The following CDYL2 variants were observed in gnomAD, a reference collection of about 807,000 sequenced individuals.
The protein encoded by CDYL2 is chromodomain Y like 2, also known as chromodomain Y-like protein 2.
In CDYL2, 23 loss-of-function variants were observed where a neutral mutation model predicts 49.4. That is an observed-to-expected ratio of 0.47 (90% CI 0.34 to 0.66). The LOEUF (loss-of-function observed/expected upper bound fraction) is 0.66. CDYL2 is among the 30% of genes least tolerant of loss of function. The pLI is 0.01. For synonymous variants in CDYL2, 360 were observed against 268.8 expected, an observed-to-expected ratio of 1.34 and a Z score of -3.32; for missense variants, 678 against 656.4, an observed-to-expected ratio of 1.03 and a Z score of -0.36.
chr16:80,677,889 C>T (rs1909819535), intron 2 of CDYL2, among the ~76,000 whole-genome samples: 1 of 151,868 alleles, frequency 6.6e-6, no homozygotes, highest in African/African-American at 2.4e-5. Context: ...ACCAAAACAG[C>T]ATGGTACTGG....
chr16:80,775,178 A>G (rs1422268526), intron 1 of CDYL2, among the ~76,000 whole-genome samples: 1 of 151,862 alleles, frequency 6.6e-6, no homozygotes, highest in Non-Finnish European at 1.5e-5. Context: ...ATCTTGAAAC[A>G]GAAGTCCAAG....
chr16:80,622,446 T>C (rs551929853), intron 3 of CDYL2, among the ~76,000 whole-genome samples: 4 of 152,270 alleles, frequency 2.6e-5, no homozygotes, highest in African/African-American at 9.6e-5. Flanking sequence ...ATTTGTTTTC[T>C]TCATTTATCA....
At chr16:80,771,944 A>G (rs1315037688) in intron 1 of CDYL2, among the ~76,000 whole-genome samples, 2 of 152,172 alleles carry the variant, frequency 1.3e-5, no homozygotes, top group African/African-American at 4.8e-5. Flanking sequence ...ATAACTGCAT[A>G]TGAGGGGAAC....
chr16:80,718,738 G>C (rs1224863508), intron 1 of CDYL2, among the ~76,000 whole-genome samples: 1 of 152,224 alleles, frequency 6.6e-6, no homozygotes, highest in African/African-American at 2.4e-5. Context: ...TAGTGGGATG[G>C]AGAACCCAGA....
At chr16:80,611,837 C>T (rs1351319252) in intron 5 of CDYL2, among the ~76,000 whole-genome samples, 1 of 152,240 alleles carries the variant, frequency 6.6e-6, no homozygotes, top group Non-Finnish European at 1.5e-5. Context: ...TCTCCCCTGT[C>T]CAGACTTGCT....
At chr16:80,634,398 A>G (rs1002663289) in intron 2 of CDYL2, among the ~76,000 whole-genome samples, 6 of 152,246 alleles carry the variant, frequency 3.9e-5, no homozygotes, top group Admixed American at 1.3e-4. Flanking sequence ...TCGCAAGGAC[A>G]GAAAACCAAA....
chr16:80,632,509 G>A (rs1279972631), intron 3 of CDYL2: 1 of 158,396 alleles, frequency 6.3e-6, no homozygotes, highest in Non-Finnish European at 1.4e-5. Flanking sequence ...GCACAATCTT[G>A]TGAATATATT....
intron 6 of CDYL2, among the ~76,000 whole-genome samples, chr16:80,605,544 A>G (rs1906294153): frequency 6.7e-6 from 1 of 150,294 alleles, no homozygotes; most frequent in African/African-American, 2.4e-5. Context: ...AGCAATAATA[A>G]TCACAGCAAT....
At chr16:80,722,450 A>G (rs1298063927) in intron 1 of CDYL2, among the ~76,000 whole-genome samples, 1 of 152,214 alleles carries the variant, frequency 6.6e-6, no homozygotes, top group Admixed American at 6.5e-5. Flanking sequence ...CTGATCTCCC[A>G]AACACTTCCC....
chr16:80,650,858 A>C lies in CDYL2; in HGVS notation c.617-17622T>G, dbSNP rs572919263. ...GGAGGTCATTCTGCTGAGTGAAAGA[A>C]GCCAGGCACAAAAAGACAGGCATTA... On this transcript the variant is annotated intron_variant, in intron 2 of 6. Coordinates refer to ENST00000570137, the MANE Select transcript of CDYL2 (RefSeq NM_152342.4). Among the ~76,000 whole-genome samples, 5 of 151,940 alleles carry C rather than the reference A, an allele frequency of 3.3e-5. No homozygotes were observed. In the East Asian group the frequency reaches 7.8e-4, roughly 24 times the overall value.
rs145946805 is a variant in CDYL2, at chr16:80,732,343, C to T, written c.25-47214G>A. On this transcript the variant is annotated intron_variant, in intron 1 of 6. Transcript: ENST00000570137. ...TTGGGTTCGGTGACATATGGTATGT[C>T]CCTTGCATAAAAAGTTACACTCAAG... is the stretch of plus-strand genomic sequence containing the variant. Among the ~76,000 whole-genome samples the T allele has an allele frequency of 2.4e-3, 358 of 152,208 alleles. 1 individual carries two copies. Among genetic ancestry groups the T allele is most frequent in the South Asian group, 7.5e-3 (36 of 4,814 alleles).
At chr16:80,716,658 G>A (rs1429330261) in intron 1 of CDYL2, among the ~76,000 whole-genome samples, 2 of 150,932 alleles carry the variant, frequency 1.3e-5, no homozygotes, top group East Asian at 2.0e-4. Context: ...ATGGATGACT[G>A]GATGAATAGA....
chr16:80,782,470 C>T (rs1907300295), intron 1 of CDYL2, among the ~76,000 whole-genome samples: 2 of 138,944 alleles, frequency 1.4e-5, no homozygotes, highest in South Asian at 5.0e-4. Context: ...GGAGGGTATA[C>T]TTTCAAGCTC....
intron 1 of CDYL2, among the ~76,000 whole-genome samples, chr16:80,770,827 T>C (rs1398486754): frequency 1.3e-5 from 2 of 152,334 alleles, no homozygotes; most frequent in Admixed American, 1.3e-4. Flanking sequence ...TTTTGTCTCA[T>C]TCTTAAAAAA....
chr16:80,761,785 A>G (rs1444869992), intron 1 of CDYL2, among the ~76,000 whole-genome samples: 3 of 152,068 alleles, frequency 2.0e-5, no homozygotes, highest in Non-Finnish European at 4.4e-5. Flanking sequence ...ACAAAAGAAG[A>G]TGCTGGGAAA....
chr16:80,709,128 A>G (rs181494083), intron 1 of CDYL2, among the ~76,000 whole-genome samples: 1 of 152,326 alleles, frequency 6.6e-6, no homozygotes, highest in African/African-American at 2.4e-5. Flanking sequence ...TCACGCCTAT[A>G]ATCCCAGCAC....
intron 1 of CDYL2, among the ~76,000 whole-genome samples, chr16:80,745,257 G>A (rs542491217): frequency 6.6e-6 from 1 of 152,240 alleles, no homozygotes; most frequent in East Asian, 1.9e-4. Flanking sequence ...AATCCCATGT[G>A]CTGTCCATGA....
intron 1 of CDYL2, among the ~76,000 whole-genome samples, chr16:80,718,804 G>A (rs568514027): frequency 2.7e-4 from 41 of 152,274 alleles, no homozygotes; most frequent in African/African-American, 9.4e-4. Flanking sequence ...CACCGCTGTT[G>A]GAGACAGAAT....
chr16:80,619,877 A>G (rs1050330305), intron 4 of CDYL2, among the ~76,000 whole-genome samples: 30 of 152,314 alleles, frequency 2.0e-4, no homozygotes, highest in Non-Finnish European at 4.0e-4. Flanking sequence ...AAAGCCCCCT[A>G]TAGCCACGTG....
Sources: allele counts gnomAD v4.1 joint callset (sites outside exome capture counted in the v4.1 genomes callset), GRCh38; gene constraint gnomAD v4.1.1; transcripts MANE v1.5; gene names NCBI Gene and HGNC (gene_info 2026-07-23, HGNC 2026-07-21).